Variants in APBA2 observed in about 807,000 individuals in gnomAD.
The protein encoded by APBA2 is amyloid-beta A4 precursor protein-binding family A member 2.
In APBA2, 30 loss-of-function variants were observed where a neutral mutation model predicts 75.0. That is an observed-to-expected ratio of 0.40 (90% CI 0.30 to 0.54). The LOEUF (loss-of-function observed/expected upper bound fraction) is 0.54, where lower values mean the gene tolerates loss of function less well. APBA2 is among the 20% of genes least tolerant of loss of function. The probability of loss-of-function intolerance (pLI) is 0.49; values close to 1 mark genes in which losing one functional copy is unlikely to be tolerated. For missense variants in APBA2, 801 were observed against 1,016.1 expected, an observed-to-expected ratio of 0.79 and a Z score of 2.88; for synonymous variants, 444 against 409.6, an observed-to-expected ratio of 1.08 and a Z score of -1.01.
At chr15:29,030,411 G>A (rs1224162373) in intron 3 of APBA2, among the ~76,000 whole-genome samples, 2 of 152,002 alleles carry the variant, frequency 1.3e-5, no homozygotes, top group East Asian at 1.9e-4. Context: ...GCAGTGAGCC[G>A]AGATGGCCCC....
At chr15:29,104,098 T>A (rs1433259844) in intron 10 of APBA2, among the ~76,000 whole-genome samples, 1 of 152,254 alleles carries the variant, frequency 6.6e-6, no homozygotes, top group Non-Finnish European at 1.5e-5. Flanking sequence ...GCCCAGCTTG[T>A]CTTTCCCAAT....
chr15:29,075,462 A>G (rs2042810018), intron 5 of APBA2, among the ~76,000 whole-genome samples: 1 of 152,090 alleles, frequency 6.6e-6, no homozygotes, highest in Non-Finnish European at 1.5e-5. Flanking sequence ...AGATCCTTGT[A>G]CCTACCCCAT....
chr15:28,990,675 G>T (rs2038181650), intron 2 of APBA2: 1 of 152,068 alleles, frequency 6.6e-6, no homozygotes, highest in South Asian at 2.1e-4. Flanking sequence ...GAAAGAATTG[G>T]TCCCCAGTGG....
At chr15:29,004,940 A>G (rs2039035191) in intron 3 of APBA2, among the ~76,000 whole-genome samples, 1 of 152,162 alleles carries the variant, frequency 6.6e-6, no homozygotes, top group African/African-American at 2.4e-5. Flanking sequence ...TTGGGCTCTC[A>G]AAGTGCTGGG....
At chr15:28,969,128 T>TTTTCTTTTCTTTCTTTCTTTCTTTCTTTC (rs1555383717) in intron 2 of APBA2, among the ~76,000 whole-genome samples, 10 of 137,022 alleles carry the variant, frequency 7.3e-5, no homozygotes, top group African/African-American at 2.6e-4. Context: ...TTTCATTTCT[T>TTTTCTTTTCTTTCTTTCTTTCTTTCTTTC]TTTCTTTCTT....
intron 2 of APBA2, among the ~76,000 whole-genome samples, chr15:28,992,172 T>C (rs2152785797): frequency 6.6e-6 from 1 of 152,216 alleles, no homozygotes. Flanking sequence ...AGCTGCCCTA[T>C]TGGGGTTCCG....
intron 3 of APBA2, among the ~76,000 whole-genome samples, chr15:29,007,247 T>C (rs935814760): frequency 1.3e-5 from 2 of 152,046 alleles, no homozygotes; most frequent in Non-Finnish European, 2.9e-5. Context: ...TCAAAATAGA[T>C]CAAAGACCTG....
intron 1 of APBA2, among the ~76,000 whole-genome samples, chr15:28,890,131 T>A (rs1017668352): frequency 6.6e-6 from 1 of 152,202 alleles, no homozygotes; most frequent in Non-Finnish European, 1.5e-5. Context: ...CCTAGCTGTG[T>A]TCACATTTGG....
intron 2 of APBA2, among the ~76,000 whole-genome samples, chr15:28,930,155 A>G (rs2034488032): frequency 1.3e-5 from 2 of 152,126 alleles, no homozygotes; most frequent in African/African-American, 2.4e-5. Flanking sequence ...CCCCGCCAGT[A>G]TAGGTGGGAA....
Position 29,117,868 on chromosome 15 carries a change from G to C in APBA2, c.*735G>C, listed in dbSNP as rs951875184. 6.6e-6 allele frequency: 1 copy of C among 151,568 alleles called. No homozygotes were observed. The highest frequency in any genetic ancestry group is 1.5e-5 in the Non-Finnish European group (1 of 67,998). The allele number at this position is 151,568 out of a possible 1,614,324, so 9.4% of individuals were successfully genotyped here. On this transcript the variant is annotated 3_prime_UTR_variant, in exon 15 of 15. Transcript: ENST00000683413. ...CACCCTCCCACCCGGCTGCATACCC[G>C]GGCAGGGCTCCCACAGAGACAAGGA...
At chr15:28,894,457 A>G (rs1007809557) in intron 1 of APBA2, among the ~76,000 whole-genome samples, 2 of 152,122 alleles carry the variant, frequency 1.3e-5, no homozygotes, top group Non-Finnish European at 2.9e-5. Context: ...TGAGAGCCCC[A>G]TGGTAGGTTG....
chr15:28,999,007 G>A (rs1206080855), intron 3 of APBA2, among the ~76,000 whole-genome samples: 1 of 152,138 alleles, frequency 6.6e-6, no homozygotes, highest in African/African-American at 2.4e-5. Context: ...AATTAGCTGG[G>A]TGTGGTGGCG....
Position 29,054,908 on chromosome 15 carries a change from C to T in APBA2, c.951+73C>T, listed in dbSNP as rs534756834. On this transcript the variant is annotated intron_variant, in intron 4 of 14. Coordinates refer to ENST00000683413, the MANE Select transcript of APBA2 (RefSeq NM_001353788.2). This position sits in a 1 kb window ranked among gnomAD's most constrained non-coding sequence, Gnocchi z 6.1. ...AAGGGACCTCAGGGTACAGGCCTTG[C>T]AGATGCTGAAGCGAGGCGGTGGGGG... is the stretch of plus-strand genomic sequence containing the variant. The T allele has an allele frequency of 4.8e-6, 7 of 1,449,900 alleles. No individual in the cohort carries two copies. In the South Asian group the frequency reaches 8.4e-5, roughly 17 times the overall value. 89.8% of individuals were successfully genotyped at this position (1,449,900 alleles called of 1,614,324 possible). A position where few individuals can be genotyped will look rare whatever the true frequency, so the allele number is the denominator to read the frequency against.
chr15:29,083,210 C>T (rs1399454239), intron 6 of APBA2, among the ~76,000 whole-genome samples: 1 of 151,996 alleles, frequency 6.6e-6, no homozygotes. Context: ...CATTTTGTCC[C>T]AATAGCTAGC....
intron 4 of APBA2, among the ~76,000 whole-genome samples, chr15:29,068,922 T>A (rs11070421): frequency 3.3e-5 from 5 of 151,956 alleles, no homozygotes; most frequent in Admixed American, 3.3e-4. Context: ...GTGGCATTTA[T>A]CACAATGTTG....
At chr15:29,086,217 G>C (rs1375629643) in intron 6 of APBA2, among the ~76,000 whole-genome samples, 1 of 152,204 alleles carries the variant, frequency 6.6e-6, no homozygotes, top group African/African-American at 2.4e-5. Flanking sequence ...CCTGGTGAGA[G>C]AACTTGGAAG....
intron 12 of APBA2, among the ~76,000 whole-genome samples, 158 bp from the exon 13 acceptor site, chr15:29,108,112 T>A (rs1334438832): frequency 6.6e-6 from 1 of 152,014 alleles, no homozygotes; most frequent in East Asian, 1.9e-4. Flanking sequence ...TTGTCCCCGC[T>A]GCACAGAGGG....
At chr15:28,959,206 C>T (rs940773140) in intron 2 of APBA2, among the ~76,000 whole-genome samples, 19 of 152,304 alleles carry the variant, frequency 1.2e-4, no homozygotes, top group African/African-American at 4.6e-4. Flanking sequence ...CCAGGACGGT[C>T]TTGATCTCTT....
rs1218182292 is a variant in APBA2, at chr15:28,991,162, C to G, written c.-94-4591C>G. ...TTGTAAAGAGCACTTTGGTATCCAC[C>G]CCAAGGGCCCTCCTCTGCCTGTCTC... On this transcript the variant is annotated intron_variant, in intron 2 of 14. Transcript: ENST00000683413. The surrounding 1 kb of genome is among the most constrained non-coding windows in gnomAD (Gnocchi z 4.7). 1.3e-5 allele frequency among the ~76,000 whole-genome samples: 2 copies of G among 152,138 alleles called. No individual in the cohort carries two copies. Among genetic ancestry groups the G allele is most frequent in the African/African-American group, 4.8e-5 (2 of 41,434 alleles).
Sources: gnomAD v4.1 joint callset for allele counts (sites outside exome capture counted in the v4.1 genomes callset) on GRCh38, gnomAD v4.1.1 for gene constraint, Gnocchi (gnomAD v3.1) non-coding constraint, MANE v1.5 for transcripts, NCBI Gene and HGNC (gene_info 2026-07-23, HGNC 2026-07-21) for gene names.